NUP153: variants seen among roughly 807,000 people sequenced by gnomAD.
NUP153 encodes the protein nuclear pore complex protein Nup153.
In NUP153, 27 loss-of-function variants were observed where a neutral mutation model predicts 134.6. The ratio of observed to expected loss-of-function variants is 0.20; its 90% confidence interval spans 0.15 to 0.28. The LOEUF is 0.28. Among genes scored for constraint, NUP153 ranks in the 10% least tolerant of loss-of-function variants. The pLI, the probability that NUP153 is intolerant of heterozygous loss-of-function variation, is 1.00. For synonymous variants in NUP153, 640 were observed against 623.5 expected (o/e 1.03, Z -0.40); for missense variants, 1,821 against 1,731.3 (o/e 1.05, Z -0.92).
Position 17,697,828 on chromosome 6 carries a change from CACTA to C in NUP153, c.111+8445_111+8448del, listed in dbSNP as rs139165043. 7.9e-3 allele frequency among the ~76,000 whole-genome samples: 1,205 copies of C among 152,152 alleles called. 10 individuals are homozygous for C. Among genetic ancestry groups the C allele is most frequent in the African/African-American group, 0.026 (1,060 of 41,460 alleles). On this transcript the variant is annotated intron_variant, in intron 1 of 21. Coordinates refer to ENST00000262077, the MANE Select transcript of NUP153 (RefSeq NM_005124.4). ...GGGGTGGGGGAAGGCTATTCTATAA[CACTA>C]ACTCAGAACTCACTTGTAATTAACG... is the stretch of plus-strand genomic sequence containing the variant.
At chr6:17,654,218 A>G (rs553834941) in intron 11 of NUP153, among the ~76,000 whole-genome samples, 1 of 152,188 alleles carries the variant, frequency 6.6e-6, no homozygotes, top group Non-Finnish European at 1.5e-5. Context: ...TCCAACCTCC[A>G]GCGTAGAACC....
At chr6:17,621,702 TG>T (rs1315210762) in intron 20 of NUP153, among the ~76,000 whole-genome samples, 14 of 151,976 alleles carry the variant, frequency 9.2e-5, no homozygotes, top group African/African-American at 2.9e-4. Flanking sequence ...TTCGTTGGGG[TG>T]GTGGTAGGAA....
chr6:17,625,863 A>G lies in NUP153; in HGVS notation c.3846T>C (p.Asn1282=), dbSNP rs967365530. The G allele has an allele frequency of 6.2e-7, 1 of 1,614,224 alleles. No individual in the cohort carries two copies. Among genetic ancestry groups the G allele is most frequent in the Non-Finnish European group, 8.5e-7 (1 of 1,180,034 alleles). The stretch of plus-strand genomic sequence containing the variant: ...AGCCGAAACCAGAGGTGGTAGTATT[A>G]TTACTGCTGGCTCCTGGACCAAAGA... ...PFVFGPGASS[N]NTTTSGFGFG... is the part of the protein sequence containing the mutation. Residue 1282 remains asparagine (N), a synonymous_variant, in exon 19 of 22, where the codon AAT becomes AAC. Transcript: ENST00000262077. The surrounding 1 kb of genome is among the most constrained non-coding windows in gnomAD (Gnocchi z 4.7).
chr6:17,678,850 G>A (rs547350350), intron 2 of NUP153, among the ~76,000 whole-genome samples: 4 of 151,960 alleles, frequency 2.6e-5, no homozygotes, highest in African/African-American at 4.8e-5. Context: ...GGAGGCTGAG[G>A]TGGGAGGATC....
chr6:17,628,407 A>G lies in NUP153; in HGVS notation c.3544+248T>C, dbSNP rs1483289304. Among the ~76,000 whole-genome samples the G allele has an allele frequency of 6.6e-6, 1 of 152,148 alleles. No individual in the cohort carries two copies. Among genetic ancestry groups the G allele is most frequent in the Non-Finnish European group, 1.5e-5 (1 of 68,028 alleles). Reference sequence around the variant, plus strand: ...AGAAAGACACACATAAATATGCACTATATTGAGCTTTGCATTACTGCTGTA... The same window carrying G: ...AGAAAGACACACATAAATATGCACTGTATTGAGCTTTGCATTACTGCTGTA... On this transcript the variant is annotated intron_variant, in intron 18 of 21. Transcript: ENST00000262077. This position sits in a 1 kb window ranked among gnomAD's most constrained non-coding sequence, Gnocchi z 5.4.
intron 11 of NUP153, among the ~76,000 whole-genome samples, chr6:17,658,489 A>G (rs1277597679): frequency 6.6e-6 from 1 of 152,212 alleles, no homozygotes; most frequent in African/African-American, 2.4e-5. Flanking sequence ...AGCCTTGAAG[A>G]TGAGAAGCAT....
chr6:17,627,114 G>C (rs1212132067), intron 18 of NUP153, among the ~76,000 whole-genome samples: 2 of 152,088 alleles, frequency 1.3e-5, no homozygotes, highest in East Asian at 3.8e-4. Flanking sequence ...ATCCAGGGCT[G>C]GTCACAGTAC....
chr6:17,662,393 A>G (rs1228834102), intron 9 of NUP153, among the ~76,000 whole-genome samples: 3 of 152,204 alleles, frequency 2.0e-5, no homozygotes, highest in African/African-American at 7.2e-5. Flanking sequence ...CAAATATACA[A>G]AGCTATTCCT....
At chr6:17,645,706 C>T (rs1464927408) in intron 14 of NUP153, among the ~76,000 whole-genome samples, 1 of 152,100 alleles carries the variant, frequency 6.6e-6, no homozygotes, top group Non-Finnish European at 1.5e-5. Flanking sequence ...AAGGTAAAAA[C>T]TAGAAATAAA....
At chr6:17,652,817 A>G (rs1192517340) in intron 11 of NUP153, among the ~76,000 whole-genome samples, 1 of 152,156 alleles carries the variant, frequency 6.6e-6, no homozygotes, top group Non-Finnish European at 1.5e-5. Flanking sequence ...TAAGGTCAGG[A>G]GTTCGAGACC....
intron 1 of NUP153, among the ~76,000 whole-genome samples, chr6:17,705,811 C>G (rs895384300): frequency 2.0e-5 from 3 of 152,012 alleles, no homozygotes; most frequent in African/African-American, 7.3e-5. Flanking sequence ...TCCCCGTCTG[C>G]CCCAGAGTTA....
chr6:17,663,071 G>T (rs1264961113), intron 9 of NUP153, among the ~76,000 whole-genome samples: 3 of 152,114 alleles, frequency 2.0e-5, no homozygotes, highest in Non-Finnish European at 2.9e-5. Context: ...TTGTGCCAAT[G>T]TTAAGTTTCT....
At position 17,649,312 on chromosome 6, in the gene NUP153, C is replaced by G. The variant is rs747586849; in HGVS notation, c.1396-12G>C. 8.1e-6 allele frequency: 13 copies of G among 1,604,120 alleles called. No individual in the cohort carries two copies. The highest frequency in any genetic ancestry group is 1.7e-5 in the Admixed American group (1 of 57,476). ...GGAACTTCCATTTCCTAAAACATAA[C>G]ATGTTGCATGATATATTTCATCTTT... is the stretch of plus-strand genomic sequence containing the variant. On this transcript the variant is annotated splice_polypyrimidine_tract_variant and intron_variant, in intron 11 of 21. Coordinates refer to ENST00000262077, the MANE Select transcript of NUP153 (RefSeq NM_005124.4).
In NUP153 at chr6:17,637,484, T is replaced by C. The variant is rs1324580537; in HGVS notation, c.2133A>G (p.Ser711=). ...NKSGKTTLSA[S]GTGFGDKFKP... ...TAAATTTGTCTCCAAAGCCTGTCCC[T>C]GATGCAGAAAGAGTTGTTTTGCCAC... The change falls in exon 16 of 22, where the codon TCA becomes TCG. Residue 711 remains serine (S), a synonymous_variant. Coordinates refer to ENST00000262077, the MANE Select transcript of NUP153 (RefSeq NM_005124.4). 1 of 1,614,270 alleles carries C rather than the reference T, an allele frequency of 6.2e-7. No individual in the cohort carries two copies. Among genetic ancestry groups the C allele is most frequent in the South Asian group, 1.1e-5 (1 of 91,084 alleles).
rs1769099050 is a variant in NUP153, at chr6:17,688,742, T to G, written c.112-124A>C. On this transcript the variant is annotated intron_variant, in intron 1 of 21. Transcript: ENST00000262077. ...GTCCAACAAGTTTGCCAAAATTCAGTTACTACAGTTACTGCTAACATAATG... is the reference window on the plus strand; with the variant it reads ...GTCCAACAAGTTTGCCAAAATTCAGGTACTACAGTTACTGCTAACATAATG... The G allele has an allele frequency of 1.2e-5, 8 of 647,676 alleles. No individual in the cohort carries two copies. In the South Asian group the frequency reaches 1.5e-4, roughly 12 times the overall value. 40.1% of individuals were successfully genotyped at this position (647,676 alleles called of 1,614,324 possible). A position where few individuals can be genotyped will look rare whatever the true frequency, so the allele number is the denominator to read the frequency against.
rs1174149376 is a variant in NUP153, at chr6:17,661,759, A to C, written c.1289T>G (p.Phe430Cys). ...QRESGFSYPN[F>C]SLPAANGLSS... is the part of the protein sequence containing the mutation. ...TAAACCATTGGCTGCAGGCAAACTG[A>C]AATTTGGATATGAAAAGCCACTGGC... The change falls in exon 11 of 22, where the codon TTC (phenylalanine) becomes TGC (cysteine). Residue 430 changes from phenylalanine (F) to cysteine (C), a missense_variant. Physicochemically the swap from Phe to Cys is radical, Grantham distance 205 (BLOSUM62 -2). Transcript: ENST00000262077. 1 of 1,613,086 alleles carries C rather than the reference A, an allele frequency of 6.2e-7. No homozygotes were observed. The highest frequency in any genetic ancestry group is 2.2e-5 in the East Asian group (1 of 44,870).
rs1276969262 is a variant in NUP153 at position 17,616,834 on chromosome 6, T to G, written c.4175-139A>C. The stretch of plus-strand genomic sequence containing the variant: ...GCACAATCTTGGCTCACTGCAACCC[T>G]TGCCTCCTGGGTTCAAGTGATTCCC... On this transcript the variant is annotated intron_variant, in intron 20 of 21. Transcript: ENST00000262077. 5 of 726,424 alleles carry G rather than the reference T, an allele frequency of 6.9e-6. No individual in the cohort carries two copies. In the East Asian group the frequency reaches 1.4e-4, roughly 20 times the overall value. 45.0% of individuals were successfully genotyped at this position (726,424 alleles called of 1,614,324 possible). A position where few individuals can be genotyped will look rare whatever the true frequency, so the allele number is the denominator to read the frequency against.
rs116646203 is a variant in NUP153, at chr6:17,686,400, T to C, written c.334+1996A>G. 8.2e-3 allele frequency among the ~76,000 whole-genome samples: 1,252 copies of C among 151,840 alleles called. 18 individuals are homozygous for C. The highest frequency in any genetic ancestry group is 0.029 in the African/African-American group (1,205 of 41,364). ...TAATTGTTAACAAACCTTTTTTTTATTTCTTTTTTTTTTTTGAGACGGAGT... is the reference window on the plus strand; with the variant it reads ...TAATTGTTAACAAACCTTTTTTTTACTTCTTTTTTTTTTTTGAGACGGAGT... On this transcript the variant is annotated intron_variant, in intron 2 of 21. Transcript: ENST00000262077.
intron 1 of NUP153, among the ~76,000 whole-genome samples, chr6:17,701,528 G>A (rs981249963): frequency 2.6e-5 from 4 of 151,762 alleles, no homozygotes; most frequent in Non-Finnish European, 4.4e-5. Flanking sequence ...TGGGCGTGGT[G>A]GCACGTGCCT....
Sources: allele counts gnomAD v4.1 joint callset (sites outside exome capture counted in the v4.1 genomes callset), GRCh38; gene constraint gnomAD v4.1.1; non-coding constraint Gnocchi (gnomAD v3.1); transcripts MANE v1.5; gene names NCBI Gene and HGNC (gene_info 2026-07-23, HGNC 2026-07-21).